Variants in LAMC2 observed in about 807,000 individuals in gnomAD.
The protein encoded by LAMC2 is laminin subunit gamma-2.
In LAMC2, 97 loss-of-function variants were observed where a neutral mutation model predicts 140.2. The ratio of observed to expected loss-of-function variants is 0.69; its 90% CI spans 0.59 to 0.82. LAMC2 has a LOEUF of 0.82. Among genes scored for constraint, LAMC2 ranks in the 40% least tolerant of loss-of-function variants. The pLI is 0.00. For synonymous variants in LAMC2, 513 were observed against 540.2 expected, an observed-to-expected ratio of 0.95 and a Z score of 0.70; for missense variants, 1,402 against 1,476.1, an observed-to-expected ratio of 0.95 and a Z score of 0.82.
At chr1:183,209,734 C>T (rs1220095524) in intron 2 of LAMC2, among the ~76,000 whole-genome samples, 1 of 152,162 alleles carries the variant, frequency 6.6e-6, no homozygotes, top group African/African-American at 2.4e-5. Context: ...ATTGGCTCAG[C>T]TTGAAAGCCT....
chr1:183,251,495 G>A, the LAMC2 span: 1 of 152,338 alleles, frequency 6.6e-6, no homozygotes, highest in Admixed American at 6.5e-5. Flanking sequence ...TGGACTCCTA[G>A]TGTTTTTTTG....
intron 1 of LAMC2, among the ~76,000 whole-genome samples, chr1:183,202,037 T>C (rs142131532): frequency 1.3e-5 from 2 of 151,712 alleles, no homozygotes; most frequent in African/African-American, 4.8e-5. Flanking sequence ...TTAAAAAAAA[T>C]ACTAAAATTA....
chr1:183,193,729 G>C (rs1002719841), intron 1 of LAMC2, among the ~76,000 whole-genome samples: 1 of 152,228 alleles, frequency 6.6e-6, no homozygotes, highest in Non-Finnish European at 1.5e-5. Flanking sequence ...GAGATCTGCA[G>C]GGAGCAGGGG....
chr1:183,230,207 G>A (rs1351838960), intron 11 of LAMC2, among the ~76,000 whole-genome samples: 1 of 152,194 alleles, frequency 6.6e-6, no homozygotes, highest in Non-Finnish European at 1.5e-5. Flanking sequence ...TGTACCCAGT[G>A]TGGACCTAGA....
rs142225564 is a variant in LAMC2, at chr1:183,207,002, C to A, written c.80-879C>A. On this transcript the variant is annotated intron_variant, in intron 1 of 22. Coordinates refer to ENST00000264144, the MANE Select transcript of LAMC2 (RefSeq NM_005562.3). ...ATGCAAAGGCATTTGATATTCTTTT[C>A]CCAGAGGGATCCTCTTTACAATCCA... is the stretch of plus-strand genomic sequence containing the variant. 6.7e-3 allele frequency among the ~76,000 whole-genome samples: 1,022 copies of A among 152,298 alleles called. 6 individuals carry two copies. The highest frequency in any genetic ancestry group is 0.027 in the Middle Eastern group (8 of 294).
the LAMC2 span, among the ~76,000 whole-genome samples, chr1:183,256,430 A>T: frequency 0.037 from 5,591 of 152,204 alleles, 349 homozygotes; most frequent in African/African-American, 0.13. Context: ...TAAAAAAATT[A>T]AAAAATTTAA....
intron 1 of LAMC2, among the ~76,000 whole-genome samples, chr1:183,198,181 C>T (rs986289634): frequency 1.3e-3 from 193 of 144,822 alleles, no homozygotes; most frequent in African/African-American, 4.6e-3. Flanking sequence ...CTCACTCTGT[C>T]GCCAGGCTGG....
chr1:183,253,266 C>T, the LAMC2 span, among the ~76,000 whole-genome samples: 2 of 146,772 alleles, frequency 1.4e-5, no homozygotes, highest in African/African-American at 2.5e-5. Flanking sequence ...ATATATTATA[C>T]TATATTATAT....
At chr1:183,207,222 G>A (rs1039525881) in intron 1 of LAMC2, among the ~76,000 whole-genome samples, 6 of 152,046 alleles carry the variant, frequency 3.9e-5, no homozygotes, top group Non-Finnish European at 7.4e-5. Flanking sequence ...GGGTGTTTCC[G>A]TGTTTCGCTT....
chr1:183,217,270 GACAGAAGC>G (rs1000868478), intron 3 of LAMC2, among the ~76,000 whole-genome samples: 1 of 152,112 alleles, frequency 6.6e-6, no homozygotes, highest in African/African-American at 2.4e-5. Flanking sequence ...CAAAGTGGGT[GACAGAAGC>G]AGGGATGGAT....
intron 14 of LAMC2, 56 bp downstream of exon 14, chr1:183,232,913 T>A: frequency 6.8e-7 from 1 of 1,479,212 alleles, no homozygotes; most frequent in Non-Finnish European, 9.4e-7. Context: ...GAGACCTACT[T>A]GTAGATCTCA....
At chr1:183,242,100 A>C (rs1312884557) in intron 22 of LAMC2, among the ~76,000 whole-genome samples, 2 of 152,216 alleles carry the variant, frequency 1.3e-5, no homozygotes, top group African/African-American at 4.8e-5. Flanking sequence ...TAAATTGTAG[A>C]GGCAGGATCC....
At chr1:183,225,790 T>A in intron 8 of LAMC2, 70 bp downstream of exon 8, 1 of 1,037,226 alleles carries the variant, frequency 9.6e-7, no homozygotes. Flanking sequence ...CTCTCTAAGG[T>A]GGCGGCAGTC....
chr1:183,202,379 T>G (rs1658737049), intron 1 of LAMC2, among the ~76,000 whole-genome samples: 1 of 152,094 alleles, frequency 6.6e-6, no homozygotes, highest in African/African-American at 2.4e-5. Context: ...AATATACATC[T>G]CATTGACCAA....
the LAMC2 span, chr1:183,251,881 A>T: frequency 4.9e-5 from 8 of 162,594 alleles, no homozygotes; most frequent in Non-Finnish European, 1.1e-4. Context: ...TGCTGCTGCT[A>T]CTGCTATATG....
At chr1:183,240,755 A>C in intron 22 of LAMC2, 1 of 1,013,886 alleles carries the variant, frequency 9.9e-7, no homozygotes, top group South Asian at 3.3e-5. Flanking sequence ...GAATAACATC[A>C]CCACTGTATA....
chr1:183,220,510 C>T (rs376906835), intron 4 of LAMC2, among the ~76,000 whole-genome samples: 15 of 152,070 alleles, frequency 9.9e-5, no homozygotes, highest in East Asian at 5.8e-4. Flanking sequence ...ACCCATTCTG[C>T]TCATCTGACC....
intron 1 of LAMC2, among the ~76,000 whole-genome samples, chr1:183,193,660 C>T (rs1220437767): frequency 6.6e-6 from 1 of 152,200 alleles, no homozygotes; most frequent in Admixed American, 6.5e-5. Context: ...TAATCTGAAG[C>T]TGCTGCTCTT....
intron 12 of LAMC2, 114 bp from the exon 13 acceptor site, chr1:183,232,073 T>G: frequency 7.4e-7 from 1 of 1,353,438 alleles, no homozygotes; most frequent in Non-Finnish European, 1.1e-6. Context: ...TTAACCACCA[T>G]GACATGCTAA....
Sources: allele counts gnomAD v4.1 joint callset (sites outside exome capture counted in the v4.1 genomes callset), GRCh38; gene constraint gnomAD v4.1.1; transcripts MANE v1.5; gene names NCBI Gene and HGNC (gene_info 2026-07-23, HGNC 2026-07-21).